The following SEMA6D variants were observed in gnomAD, a reference collection of about 807,000 sequenced individuals.
SEMA6D encodes the protein semaphorin-6D.
SEMA6D carries 35 observed loss-of-function variants against 106.6 expected under a neutral mutation model. That is an observed-to-expected ratio of 0.33 (90% CI 0.25 to 0.44). The LOEUF (loss-of-function observed/expected upper bound fraction) is 0.44, where lower values mean the gene tolerates loss of function less well. Ranked by LOEUF, SEMA6D falls within the 20% of genes least tolerant of loss-of-function variation. The pLI, the probability that SEMA6D is intolerant of heterozygous loss-of-function variation, is 1.00. For missense variants in SEMA6D, 1,185 were observed against 1,345.9 expected (o/e 0.88, Z 1.87); for synonymous variants, 499 against 487.7 (o/e 1.02, Z -0.31).
chr15:47,545,651 G>A (rs779031849), intron 3 of SEMA6D, among the ~76,000 whole-genome samples: 40 of 152,040 alleles, frequency 2.6e-4, no homozygotes, highest in Non-Finnish European at 4.6e-4. Context: ...AAATATAATC[G>A]GTTTTTAATA....
At chr15:47,680,649 C>A (rs2078333686) in intron 4 of SEMA6D, among the ~76,000 whole-genome samples, 1 of 152,090 alleles carries the variant, frequency 6.6e-6, no homozygotes, top group Admixed American at 6.6e-5. Flanking sequence ...TAAACAATTA[C>A]TAGATGGTGT....
chr15:47,548,076 A>T (rs955889852), intron 3 of SEMA6D, among the ~76,000 whole-genome samples: 11 of 152,136 alleles, frequency 7.2e-5, no homozygotes, highest in African/African-American at 2.7e-4. Flanking sequence ...GAGAAAAATG[A>T]GGTGCTTAAG....
intron 4 of SEMA6D, among the ~76,000 whole-genome samples, chr15:47,622,555 G>C (rs1466379100): frequency 6.6e-6 from 1 of 152,088 alleles, no homozygotes; most frequent in Admixed American, 6.5e-5. Context: ...TATCCTCTTA[G>C]GAATTCTGCA....
chr15:47,525,443 G>A (rs550643643), intron 3 of SEMA6D: 2 of 152,254 alleles, frequency 1.3e-5, no homozygotes, highest in African/African-American at 2.4e-5. Context: ...CTTCCTCTTG[G>A]ACTCTTCAAA....
chr15:47,627,620 TTTAA>T (rs2077225156), intron 4 of SEMA6D, among the ~76,000 whole-genome samples: 2 of 152,140 alleles, frequency 1.3e-5, no homozygotes, highest in African/African-American at 2.4e-5. Context: ...TTTGATTATT[TTTAA>T]TTAAACTTTT....
At chr15:47,302,599 C>T (rs1301634292) in intron 1 of SEMA6D, among the ~76,000 whole-genome samples, 1 of 151,912 alleles carries the variant, frequency 6.6e-6, no homozygotes, top group African/African-American at 2.4e-5. Context: ...TTTTTACCAG[C>T]AGAGAAGGGA....
chr15:47,548,092 A>T (rs1055779463), intron 3 of SEMA6D, among the ~76,000 whole-genome samples: 2 of 152,268 alleles, frequency 1.3e-5, no homozygotes, highest in South Asian at 2.1e-4. Flanking sequence ...TTAAGATAAG[A>T]TGGTGTGCTC....
intron 1 of SEMA6D, among the ~76,000 whole-genome samples, chr15:47,408,411 T>C (rs1184626624): frequency 2.0e-5 from 3 of 152,236 alleles, no homozygotes; most frequent in Non-Finnish European, 4.4e-5. Flanking sequence ...CACTACCTTC[T>C]TTTTGATTTA....
chr15:47,757,055 CTCAGCCAGCAGCTTGG>C (rs1371295555), intron 1 of SEMA6D, among the ~76,000 whole-genome samples: 1 of 152,128 alleles, frequency 6.6e-6, no homozygotes, highest in Non-Finnish European at 1.5e-5. Context: ...GAAATGATAG[CTCAGCCAGCAGCTTGG>C]TGCTTGCTAG....
chr15:47,364,356 C>T (rs1478716449), intron 1 of SEMA6D, among the ~76,000 whole-genome samples: 2 of 152,104 alleles, frequency 1.3e-5, no homozygotes, highest in Non-Finnish European at 2.9e-5. Context: ...TCAAAATGAC[C>T]AAGGCCTACA....
chr15:47,768,269 G>GCAACTAAT (rs1358110661), intron 17 of SEMA6D, among the ~76,000 whole-genome samples: 1 of 152,182 alleles, frequency 6.6e-6, no homozygotes, highest in Non-Finnish European at 1.5e-5. Flanking sequence ...GGAAGAAACA[G>GCAACTAAT]CAACTAATCT....
chr15:47,292,643 T>G (rs758953592), intron 1 of SEMA6D, among the ~76,000 whole-genome samples: 1 of 152,130 alleles, frequency 6.6e-6, no homozygotes, highest in African/African-American at 2.4e-5. Context: ...GATTTCCATG[T>G]AAGGGATACA....
At chr15:47,468,650 C>T (rs891446835) in intron 2 of SEMA6D, among the ~76,000 whole-genome samples, 3 of 152,184 alleles carry the variant, frequency 2.0e-5, no homozygotes, top group African/African-American at 7.2e-5. Flanking sequence ...CTTTATTTTA[C>T]ATATTTTGCT....
At chr15:47,708,109 G>A (rs2078947690) in intron 4 of SEMA6D, among the ~76,000 whole-genome samples, 1 of 152,136 alleles carries the variant, frequency 6.6e-6, no homozygotes. Context: ...TCTCCAAGCT[G>A]TATATCCTCC....
At chr15:47,349,251 T>C (rs556280556) in intron 1 of SEMA6D, among the ~76,000 whole-genome samples, 29 of 152,334 alleles carry the variant, frequency 1.9e-4, no homozygotes, top group Admixed American at 7.8e-4. Flanking sequence ...CTTTGTTCTG[T>C]AAAGCTGAAG....
At chr15:47,302,563 TG>T (rs1039108614) in intron 1 of SEMA6D, among the ~76,000 whole-genome samples, 1 of 152,094 alleles carries the variant, frequency 6.6e-6, no homozygotes, top group East Asian at 1.9e-4. Flanking sequence ...TCTGGATGAG[TG>T]GGTGGGTCCA....
At chr15:47,259,675 C>G (rs191388559) in intron 1 of SEMA6D, among the ~76,000 whole-genome samples, 1 of 152,044 alleles carries the variant, frequency 6.6e-6, no homozygotes, top group African/African-American at 2.4e-5. Context: ...CTGGATTTAT[C>G]TTATTTGGCA....
intron 1 of SEMA6D, among the ~76,000 whole-genome samples, chr15:47,279,412 TAAG>T (rs1258130927): frequency 2.1e-5 from 3 of 143,504 alleles, no homozygotes; most frequent in African/African-American, 8.2e-5. Flanking sequence ...CTTATCAGCT[TAAG>T]GAGATTTTGG....
intron 4 of SEMA6D, among the ~76,000 whole-genome samples, chr15:47,698,229 T>C (rs2145869876): frequency 6.6e-6 from 1 of 152,222 alleles, no homozygotes; most frequent in East Asian, 1.9e-4. Context: ...GAATGGTCAA[T>C]AAACAATGAA....
Sources: gnomAD v4.1 joint callset for allele counts (sites outside exome capture counted in the v4.1 genomes callset) on GRCh38, gnomAD v4.1.1 for gene constraint, MANE v1.5 for transcripts, NCBI Gene and HGNC (gene_info 2026-07-23, HGNC 2026-07-21) for gene names.